RBFOX1: variants seen among roughly 807,000 people sequenced by gnomAD.
The protein encoded by RBFOX1 is RNA binding fox-1 homolog 1, also known as RNA binding protein fox-1 homolog 1.
Under a neutral mutation model 57.7 loss-of-function variants are expected in RBFOX1, and 8 were observed. That is an observed-to-expected ratio of 0.14 (90% CI 0.08 to 0.25). The LOEUF (loss-of-function observed/expected upper bound fraction) is 0.25. Among genes scored for constraint, RBFOX1 ranks in the 10% least tolerant of loss-of-function variants. RBFOX1 has a pLI of 1.00. For missense variants in RBFOX1, 611 were observed against 548.5 expected, an observed-to-expected ratio of 1.11 and a Z score of -1.14; for synonymous variants, 326 against 222.4, an observed-to-expected ratio of 1.47 and a Z score of -4.15.
At chr16:7,649,014 G>C (rs1045368553) in intron 11 of RBFOX1, among the ~76,000 whole-genome samples, 6 of 152,132 alleles carry the variant, frequency 3.9e-5, no homozygotes, top group African/African-American at 1.4e-4. Flanking sequence ...ACAGGAAAAG[G>C]GTTCCTATCC....
chr16:6,320,683 AG>A (rs546337453), intron 2 of RBFOX1, among the ~76,000 whole-genome samples: 2 of 152,280 alleles, frequency 1.3e-5, no homozygotes, highest in East Asian at 3.9e-4. Flanking sequence ...TATGGTTACC[AG>A]CAGCCAGACG....
intron 3 of RBFOX1, among the ~76,000 whole-genome samples, chr16:6,843,130 T>C (rs994616428): frequency 2.4e-4 from 37 of 152,312 alleles, no homozygotes; most frequent in African/African-American, 8.9e-4. Flanking sequence ...GTTGTTGTTT[T>C]CAAAACATAA....
At chr16:6,299,961 A>G (rs2078617614) in intron 1 of RBFOX1, among the ~76,000 whole-genome samples, 1 of 152,190 alleles carries the variant, frequency 6.6e-6, no homozygotes, top group African/African-American at 2.4e-5. Flanking sequence ...AATAAATCTA[A>G]CAAAAGCACC....
intron 1 of RBFOX1, among the ~76,000 whole-genome samples, chr16:6,154,095 G>C (rs890151450): frequency 6.6e-6 from 1 of 152,168 alleles, no homozygotes; most frequent in Non-Finnish European, 1.5e-5. Flanking sequence ...ACACAGGAAG[G>C]GTTTTGAAAT....
chr16:5,746,438 A>C (rs2052984879), intron 3 of RBFOX1, among the ~76,000 whole-genome samples: 1 of 152,098 alleles, frequency 6.6e-6, no homozygotes, highest in Non-Finnish European at 1.5e-5. Flanking sequence ...TTTTGGTTCC[A>C]TATGAACTTT....
intron 3 of RBFOX1, among the ~76,000 whole-genome samples, chr16:5,708,396 A>G (rs532380881): frequency 6.6e-6 from 1 of 152,348 alleles, no homozygotes; most frequent in South Asian, 2.1e-4. Flanking sequence ...AGTTCAATCA[A>G]AAACATGGTT....
chr16:6,888,868 C>A (rs1188722030), intron 3 of RBFOX1, among the ~76,000 whole-genome samples: 1 of 151,978 alleles, frequency 6.6e-6, no homozygotes, highest in Non-Finnish European at 1.5e-5. Flanking sequence ...CCTCTTTATC[C>A]CCTCCTCCCC....
rs549600799 is a variant in RBFOX1, at chr16:6,906,194, G to A, written c.-15-145863G>A. 3.3e-5 allele frequency among the ~76,000 whole-genome samples: 5 copies of A among 152,028 alleles called. No individual in the cohort carries two copies. In the South Asian group the frequency reaches 1.0e-3, roughly 32 times the overall value. Reference sequence around the variant, plus strand: ...TTAGAGAAAACGTCGAAGCAGATTTGTAGAAGGTGCCCATCCTATGGGCAA... The same window carrying A: ...TTAGAGAAAACGTCGAAGCAGATTTATAGAAGGTGCCCATCCTATGGGCAA... On this transcript the variant is annotated intron_variant, in intron 3 of 15. Coordinates refer to ENST00000550418, the MANE Select transcript of RBFOX1 (RefSeq NM_018723.4).
At chr16:6,678,375 C>T (rs939114034) in intron 3 of RBFOX1, among the ~76,000 whole-genome samples, 4 of 152,084 alleles carry the variant, frequency 2.6e-5, no homozygotes, top group African/African-American at 7.2e-5. Context: ...CTACCCAACT[C>T]AGCCTCCTAA....
intron 5 of RBFOX1, among the ~76,000 whole-genome samples, chr16:7,551,364 C>G (rs2086468129): frequency 6.6e-6 from 1 of 152,058 alleles, no homozygotes; most frequent in African/African-American, 2.4e-5. Context: ...GAGATGTACC[C>G]TCCAGGGGCC....
chr16:7,603,617 T>A (rs1033041233), intron 9 of RBFOX1, among the ~76,000 whole-genome samples: 1 of 151,216 alleles, frequency 6.6e-6, no homozygotes, highest in Non-Finnish European at 1.5e-5. Flanking sequence ...AGCTAGAGAG[T>A]TCTCCAAGAA....
intron 3 of RBFOX1, among the ~76,000 whole-genome samples, chr16:6,964,162 C>T (rs995514959): frequency 6.6e-6 from 1 of 152,090 alleles, no homozygotes; most frequent in Non-Finnish European, 1.5e-5. Context: ...AGATTACAGG[C>T]ATGTGCCAAC....
chr16:6,645,753 T>A (rs997939698), intron 2 of RBFOX1, among the ~76,000 whole-genome samples: 2 of 152,160 alleles, frequency 1.3e-5, no homozygotes, highest in African/African-American at 2.4e-5. Flanking sequence ...CAAGGACAGC[T>A]GACATTTACT....
intron 4 of RBFOX1, among the ~76,000 whole-genome samples, chr16:7,215,353 A>G (rs959897061): frequency 2.3e-4 from 35 of 152,198 alleles, no homozygotes; most frequent in Admixed American, 2.0e-4. Flanking sequence ...ATTCTTCTAT[A>G]AAGACACCTG....
chr16:7,326,707 G>A (rs977554886), intron 4 of RBFOX1, among the ~76,000 whole-genome samples: 2 of 151,942 alleles, frequency 1.3e-5, no homozygotes, highest in Non-Finnish European at 2.9e-5. Context: ...TGAGTATATC[G>A]TCCTTAATCA....
intron 1 of RBFOX1, among the ~76,000 whole-genome samples, chr16:6,192,800 C>A (rs2097150334): frequency 6.6e-6 from 1 of 152,098 alleles, no homozygotes; most frequent in African/African-American, 2.4e-5. Context: ...GGTTGTCATG[C>A]ACTAAAAGAT....
At chr16:7,251,018 C>T (rs1176922383) in intron 4 of RBFOX1, among the ~76,000 whole-genome samples, 2 of 150,022 alleles carry the variant, frequency 1.3e-5, no homozygotes, top group African/African-American at 4.9e-5. Flanking sequence ...GTAGTGAAAA[C>T]ACTTAAAATC....
rs568856207 is a variant in RBFOX1, at chr16:6,097,679, G to C, written c.-127+77687G>C. Among the ~76,000 whole-genome samples the C allele has an allele frequency of 1.3e-5, 2 of 152,072 alleles. No individual in the cohort carries two copies. The highest frequency in any genetic ancestry group is 4.2e-4 in the South Asian group (2 of 4,818). On this transcript the variant is annotated intron_variant, in intron 1 of 15. Coordinates refer to ENST00000550418, the MANE Select transcript of RBFOX1 (RefSeq NM_018723.4). The surrounding 1 kb of genome is among the most constrained non-coding windows in gnomAD (Gnocchi z 5.0). ...TTAATAAGTGTCTAAGCTAGGATTT[G>C]ACCCTAGGGCTTGTGAATCTGGAGC...
chr16:6,727,839 C>A (rs911255206), intron 3 of RBFOX1, among the ~76,000 whole-genome samples: 1 of 152,116 alleles, frequency 6.6e-6, no homozygotes, highest in African/African-American at 2.4e-5. Context: ...TTTCTCTGTT[C>A]CTCCTCGGGC....
Sources: allele counts gnomAD v4.1 joint callset (sites outside exome capture counted in the v4.1 genomes callset), GRCh38; gene constraint gnomAD v4.1.1; non-coding constraint Gnocchi (gnomAD v3.1); transcripts MANE v1.5; gene names NCBI Gene and HGNC (gene_info 2026-07-23, HGNC 2026-07-21).